FKBP3: variants seen among roughly 807,000 people sequenced by gnomAD.
The protein encoded by FKBP3 is peptidyl-prolyl cis-trans isomerase FKBP3.
FKBP3 carries 21 observed loss-of-function variants against 30.6 expected under a neutral mutation model. The observed-to-expected ratio is 0.69, with a 90% CI of 0.49 to 0.99. The LOEUF is 0.99. FKBP3 is among the 50% of genes least tolerant of loss of function. The pLI, the probability that FKBP3 is intolerant of heterozygous loss-of-function variation, is 0.00. For missense variants in FKBP3, 283 were observed against 261.6 expected (o/e 1.08, Z -0.56); for synonymous variants, 82 against 91.3 (o/e 0.90, Z 0.58).
chr14:45,132,951 T>C (rs1459157823), intron 1 of FKBP3, among the ~76,000 whole-genome samples: 2 of 152,124 alleles, frequency 1.3e-5, no homozygotes, highest in South Asian at 2.1e-4. Context: ...TAAGAGAAAA[T>C]AGTTCCATTA....
chr14:45,133,192 A>C (rs1885261773), intron 1 of FKBP3: 1 of 152,774 alleles, frequency 6.5e-6, no homozygotes, highest in Non-Finnish European at 1.5e-5. Flanking sequence ...AATAACCCAG[A>C]AATAGTGGCT....
At chr14:45,116,868 A>C (rs1274181287) in intron 6 of FKBP3, among the ~76,000 whole-genome samples, 1 of 152,086 alleles carries the variant, frequency 6.6e-6, no homozygotes, top group Non-Finnish European at 1.5e-5. Flanking sequence ...AAAAAAACCA[A>C]AACAAAATAT....
At chr14:45,121,700 G>C in intron 3 of FKBP3, 80 bp from the exon 4 acceptor site, 1 of 1,488,284 alleles carries the variant, frequency 6.7e-7, no homozygotes, top group Non-Finnish European at 9.1e-7. Context: ...AGCCAACAAT[G>C]ACCAAAGTCA....
chr14:45,131,971 G>GA (rs1885226617), intron 1 of FKBP3, among the ~76,000 whole-genome samples: 1 of 152,154 alleles, frequency 6.6e-6, no homozygotes, highest in Admixed American at 6.5e-5. Flanking sequence ...AACTTTATCT[G>GA]AAAATCACGT....
At chr14:45,126,152 A>C (rs993353556) in intron 3 of FKBP3, among the ~76,000 whole-genome samples, 1 of 150,994 alleles carries the variant, frequency 6.6e-6, no homozygotes, top group Non-Finnish European at 1.5e-5. Flanking sequence ...TGGCCTCCCA[A>C]AGTGCTGGGA....
chr14:45,124,760 A>G (rs1885062021), intron 3 of FKBP3, among the ~76,000 whole-genome samples: 4 of 152,044 alleles, frequency 2.6e-5, no homozygotes, highest in Admixed American at 2.6e-4. Context: ...AAAGTATAAA[A>G]ATATTACTGT....
intron 1 of FKBP3, among the ~76,000 whole-genome samples, chr14:45,131,794 G>A (rs1241308183): frequency 1.3e-5 from 2 of 152,140 alleles, no homozygotes; most frequent in African/African-American, 2.4e-5. Context: ...AATGCATTTA[G>A]CATAGAGCCT....
chr14:45,122,904 A>G (rs1246928831), intron 3 of FKBP3, among the ~76,000 whole-genome samples: 2 of 151,562 alleles, frequency 1.3e-5, no homozygotes, highest in African/African-American at 4.8e-5. Flanking sequence ...GTAAGTAAAA[A>G]TATCTGTGCT....
At chr14:45,134,090 G>A (rs1255484652) in intron 1 of FKBP3, among the ~76,000 whole-genome samples, 1 of 152,142 alleles carries the variant, frequency 6.6e-6, no homozygotes, top group Non-Finnish European at 1.5e-5. Context: ...CCCCACTCAA[G>A]GATCCCAATG....
intron 1 of FKBP3, among the ~76,000 whole-genome samples, chr14:45,132,960 T>TAA (rs1885254731): frequency 6.6e-6 from 1 of 152,166 alleles, no homozygotes; most frequent in Admixed American, 6.5e-5. Flanking sequence ...ATAGTTCCAT[T>TAA]AAAATGGGGT....
At chr14:45,127,113 G>GTTTTTTTTTT (rs1699813615) in intron 3 of FKBP3, among the ~76,000 whole-genome samples, 1 of 110,138 alleles carries the variant, frequency 9.1e-6, no homozygotes, top group African/African-American at 5.1e-5. Context: ...GACTGACCCT[G>GTTTTTTTTTT]TCTTTTTTTT....
intron 3 of FKBP3, among the ~76,000 whole-genome samples, chr14:45,125,884 T>TC (rs750863925): frequency 1.3e-5 from 2 of 151,994 alleles, no homozygotes; most frequent in Non-Finnish European, 2.9e-5. Flanking sequence ...GAGCAGACAT[T>TC]TGTGGTCAAA....
At chr14:45,118,221 CAG>C (rs1884899148) in intron 5 of FKBP3, 96 bp from the exon 6 acceptor site, 2 of 694,702 alleles carry the variant, frequency 2.9e-6, no homozygotes, top group East Asian at 5.4e-5. Flanking sequence ...AAAACAAACA[CAG>C]AATCTATTAC....
rs1885315766 is a variant in FKBP3, at chr14:45,134,253, G to A, written c.108+96C>T. ...GGCCACCGGCCGCGGGAAGACGAGG[G>A]CGGGGGCACAGAGGAATACGGAATG... On this transcript the variant is annotated intron_variant, in intron 1 of 6. Transcript: ENST00000396062. 5.9e-6 allele frequency: 6 copies of A among 1,018,482 alleles called. No homozygotes were observed. The Admixed American group carries it at 1.5e-4, about 25-fold the overall frequency. The allele number at this position is 1,018,482 out of a possible 1,614,324, so 63.1% of individuals were successfully genotyped here. A position where few individuals can be genotyped will look rare whatever the true frequency, so the allele number is the denominator to read the frequency against.
intron 1 of FKBP3, among the ~76,000 whole-genome samples, chr14:45,132,923 A>G (rs1885253806): frequency 6.6e-6 from 1 of 152,184 alleles, no homozygotes; most frequent in Admixed American, 6.5e-5. Flanking sequence ...ATTGTTTCAG[A>G]TGAAATACGA....
rs149780967 is a variant in FKBP3 at position 45,134,437 on chromosome 14, T to C, written c.20A>G (p.Gln7Arg). The C allele has an allele frequency of 2.2e-5, 35 of 1,610,598 alleles. No individual in the cohort carries two copies. Among genetic ancestry groups the C allele is most frequent in the Non-Finnish European group, 2.8e-5 (33 of 1,178,560 alleles). ...CAGCTGCTCCACGGTCCACGCCCGC[T>C]GTGGAACGGCCGCCGCCATCTTCCC... MAAAVP[Q>R]RAWTVEQLRS... Residue 7 changes from glutamine to arginine, a missense_variant, in exon 1 of 7, where the codon CAG becomes CGG. By Grantham distance (43) the Gln-to-Arg change is conservative. Coordinates refer to ENST00000396062, the MANE Select transcript of FKBP3 (RefSeq NM_002013.4).
rs2139072564 is a variant in FKBP3, at chr14:45,116,105, C to G, written c.*93G>C. 1 of 879,026 alleles carries G rather than the reference C, an allele frequency of 1.1e-6. No homozygotes were observed. The highest frequency in any genetic ancestry group is 1.9e-6 in the Non-Finnish European group (1 of 539,842). 54.5% of individuals were successfully genotyped at this position (879,026 alleles called of 1,614,324 possible). ...AATTTTCCAGTTGACTCTTCCTTTA[C>G]AATAGTAACAAGTTCTAACTAGTTG... On this transcript the variant is annotated 3_prime_UTR_variant, in exon 7 of 7. Transcript: ENST00000396062.
chr14:45,130,912 T>C, intron 1 of FKBP3, 112 bp from the exon 2 acceptor site: 1 of 569,572 alleles, frequency 1.8e-6, no homozygotes, highest in Non-Finnish European at 3.1e-6. Context: ...GTACTAGTAC[T>C]GAAGAAGAAA....
rs1885314477 is a variant in FKBP3 at position 45,134,237 on chromosome 14, C to T, written c.108+112G>A. 4 of 918,652 alleles carry T rather than the reference C, an allele frequency of 4.4e-6. No homozygotes were observed. The East Asian group carries it at 7.7e-5, about 18-fold the overall frequency. The allele number at this position is 918,652 out of a possible 1,614,324, so 56.9% of individuals were successfully genotyped here. ...CCTCTCCGGCCTTCCAGGCCACCGGCCGCGGGAAGACGAGGGCGGGGGCAC... is the reference window on the plus strand; with the variant it reads ...CCTCTCCGGCCTTCCAGGCCACCGGTCGCGGGAAGACGAGGGCGGGGGCAC... On this transcript the variant is annotated intron_variant, in intron 1 of 6. Transcript: ENST00000396062.
Sources: gnomAD v4.1 joint callset for allele counts (sites outside exome capture counted in the v4.1 genomes callset) on GRCh38, gnomAD v4.1.1 for gene constraint, MANE v1.5 for transcripts, NCBI Gene and HGNC (gene_info 2026-07-23, HGNC 2026-07-21) for gene names.